Variants in KTN1 observed in about 807,000 individuals in gnomAD.
The protein encoded by KTN1 is kinectin 1, also known as kinectin.
In KTN1, 130 loss-of-function variants were observed where a neutral mutation model predicts 222.5. The ratio of observed to expected loss-of-function variants is 0.58; its 90% confidence interval spans 0.51 to 0.68. The LOEUF is 0.68. Ranked by LOEUF, KTN1 falls within the 30% of genes least tolerant of loss-of-function variation. The pLI is 0.00. For synonymous variants in KTN1, 512 were observed against 496.3 expected (o/e 1.03, Z -0.42); for missense variants, 1,508 against 1,500.4 (o/e 1.01, Z -0.08).
rs199516020 is a variant in KTN1, at chr14:55,612,164, C to A, written c.116C>A (p.Ala39Glu). The A allele has an allele frequency of 5.7e-6, 9 of 1,581,394 alleles. No individual in the cohort carries two copies. Among genetic ancestry groups the A allele is most frequent in the East Asian group, 4.5e-5 (2 of 44,402 alleles). Residue 39 changes from alanine to glutamate, a missense_variant, in exon 2 of 44, where the codon GCA becomes GAA. By Grantham distance (107) the Ala-to-Glu change is moderately radical. Transcript: ENST00000395314. ...GAAACATTATATGATGAAGTTCTTG[C>A]AAAACAGAAAAGAGAACAAAAGCTT... ...MKETLYDEVL[A>E]KQKREQKLIP... is the part of the protein sequence containing the mutation.
In KTN1 at chr14:55,628,003, A is replaced by G. The variant is rs147823515; in HGVS notation, c.1055A>G (p.Lys352Arg). ...AAVKEDAAATKDRCKQLTQEM... is the reference protein window; with the variant it reads ...AAVKEDAAATRDRCKQLTQEM... The stretch of plus-strand genomic sequence containing the variant: ...GTGAAGGAAGATGCTGCTGCTACAA[A>G]GGATCGGTGTAAGCAGTTAACCCAG... Residue 352 changes from lysine to arginine, a missense_variant, in exon 6 of 44, where the codon AAG becomes AGG. By Grantham distance (26) the Lys-to-Arg change is conservative (BLOSUM62 2). Transcript: ENST00000395314. 1.9e-6 allele frequency: 3 copies of G among 1,613,106 alleles called. No individual in the cohort carries two copies. The highest frequency in any genetic ancestry group is 1.7e-6 in the Non-Finnish European group (2 of 1,179,058).
Position 55,679,640 on chromosome 14 carries a change from G to C in KTN1, c.4024G>C (p.Val1342Leu), listed in dbSNP as rs781085019. ...ACAGTTACAGCAGTTGCTTCAGGCG[G>C]TAAACCAACAGCTCACAAAGGAGAA... The part of the protein sequence containing the change: ...VTQLQQLLQA[V>L]NQQLTKEKEH... The change falls in exon 43 of 44, where the codon GTA becomes CTA. Residue 1342 changes from valine (V) to leucine (L), a missense_variant. Coordinates refer to ENST00000395314, the MANE Select transcript of KTN1 (RefSeq NM_001079521.2). 6.2e-7 allele frequency: 1 copy of C among 1,613,798 alleles called. No homozygotes were observed. The highest frequency in any genetic ancestry group is 8.5e-7 in the Non-Finnish European group (1 of 1,179,730).
intron 33 of KTN1, among the ~76,000 whole-genome samples, chr14:55,664,569 C>G (rs1344913294): frequency 6.6e-6 from 1 of 152,064 alleles, no homozygotes; most frequent in Non-Finnish European, 1.5e-5. Flanking sequence ...GTATTACTGG[C>G]TAGCAATGAC....
chr14:55,655,805 TTTTG>T (rs2043407368), intron 28 of KTN1, among the ~76,000 whole-genome samples: 1 of 152,228 alleles, frequency 6.6e-6, no homozygotes, highest in Admixed American at 6.5e-5. Context: ...TGTTCTTAGT[TTTTG>T]TTTTAGAGTT....
rs544282613 is a variant in KTN1, at chr14:55,684,238, T to C, written c.*135T>C. Reference sequence around the variant, plus strand: ...ACAGAGTTTTGTCTTTTCTAATCCTTGTTAGACTACTGATTTAAAGAAGGA... The same window carrying C: ...ACAGAGTTTTGTCTTTTCTAATCCTCGTTAGACTACTGATTTAAAGAAGGA... On this transcript the variant is annotated 3_prime_UTR_variant, in exon 44 of 44. Transcript: ENST00000395314. 8 of 588,242 alleles carry C rather than the reference T, an allele frequency of 1.4e-5. No homozygotes were observed. Among genetic ancestry groups the C allele is most frequent in the African/African-American group, 5.8e-5 (3 of 52,014 alleles). The allele number at this position is 588,242 out of a possible 1,614,324, so 36.4% of individuals were successfully genotyped here.
chr14:55,646,300 C>T (rs1227506686), intron 18 of KTN1, among the ~76,000 whole-genome samples: 2 of 152,116 alleles, frequency 1.3e-5, no homozygotes, highest in East Asian at 3.8e-4. Flanking sequence ...CCAAAATTCA[C>T]TGAGCTGTGA....
In KTN1 at chr14:55,650,419, G is replaced by T. The variant is rs752569383; in HGVS notation, c.2496+1G>T. On this transcript the variant is annotated splice_donor_variant, in intron 23 of 43. Coordinates refer to ENST00000395314, the MANE Select transcript of KTN1 (RefSeq NM_001079521.2). LOFTEE classifies it high-confidence loss of function. ...TGCTAACAAGGAGAAAACTGTTCAG[G>T]TATTGGGAGACAGAGAACTGTGTTT... The T allele has an allele frequency of 1.2e-6, 2 of 1,602,232 alleles. No homozygotes were observed. Among genetic ancestry groups the T allele is most frequent in the Non-Finnish European group, 1.7e-6 (2 of 1,172,388 alleles).
chr14:55,658,219 C>A (rs1458644358), intron 29 of KTN1, among the ~76,000 whole-genome samples: 1 of 152,046 alleles, frequency 6.6e-6, no homozygotes, highest in Non-Finnish European at 1.5e-5. Context: ...TAGGATAAAA[C>A]CCCCACAACA....
chr14:55,675,385 G>A (rs1312454421), intron 40 of KTN1: 1 of 156,388 alleles, frequency 6.4e-6, no homozygotes. Context: ...TATTTTGGGA[G>A]TTTTAATTTG....
chr14:55,673,776 T>C (rs2045655553), intron 40 of KTN1: 1 of 152,152 alleles, frequency 6.6e-6, no homozygotes, highest in Non-Finnish European at 1.5e-5. Flanking sequence ...TATCAACATA[T>C]TATTTAGAGT....
intron 32 of KTN1, 131 bp from the exon 33 acceptor site, chr14:55,663,824 T>C (rs2044407005): frequency 1.7e-6 from 1 of 599,414 alleles, no homozygotes; most frequent in Non-Finnish European, 3.0e-6. Flanking sequence ...TTTGCTAATA[T>C]GCATATTTTC....
chr14:55,667,819 T>G (rs1364655502), intron 34 of KTN1: 2 of 152,046 alleles, frequency 1.3e-5, no homozygotes, highest in African/African-American at 4.8e-5. Context: ...GTACATGTTC[T>G]CCTTTGTTCA....
At chr14:55,589,337 C>T (rs1435778796) in intron 1 of KTN1, among the ~76,000 whole-genome samples, 1 of 152,146 alleles carries the variant, frequency 6.6e-6, no homozygotes, top group Non-Finnish European at 1.5e-5. Flanking sequence ...CTCGCTCTGT[C>T]ACCCAGGCTG....
At chr14:55,633,382 G>A in intron 8 of KTN1, 41 bp downstream of exon 8, 1 of 1,168,244 alleles carries the variant, frequency 8.6e-7, no homozygotes, top group Non-Finnish European at 1.2e-6. Context: ...GAATGGCAGA[G>A]TATTTTCTTG....
chr14:55,634,590 A>C lies in KTN1; in HGVS notation c.1393A>C (p.Lys465Gln). ...YARLVNELTE[K>Q]TGKLQQEEVQ... is the part of the protein sequence containing the mutation. ...TAGGTTGGTGAATGAGCTGACTGAG[A>C]AAACAGGAAAGCTACAGCAAGAGGA... The change falls in exon 9 of 44, where the codon AAA becomes CAA. Residue 465 changes from lysine (K) to glutamine (Q), a missense_variant. Physicochemically the swap from Lys to Gln is moderately conservative, Grantham distance 53. Transcript: ENST00000395314. 1 of 1,613,976 alleles carries C rather than the reference A, an allele frequency of 6.2e-7. No individual in the cohort carries two copies. Among genetic ancestry groups the C allele is most frequent in the Non-Finnish European group, 8.5e-7 (1 of 1,179,900 alleles).
chr14:55,594,190 CCTAT>C (rs2034639199), intron 1 of KTN1, among the ~76,000 whole-genome samples: 1 of 151,596 alleles, frequency 6.6e-6, no homozygotes, highest in Non-Finnish European at 1.5e-5. Context: ...TTCATTTCTA[CCTAT>C]CTTAGGCTTA....
At chr14:55,600,162 A>G (rs1043700755) in intron 1 of KTN1, among the ~76,000 whole-genome samples, 1 of 150,746 alleles carries the variant, frequency 6.6e-6, no homozygotes, top group African/African-American at 2.4e-5. Context: ...CATAATACCT[A>G]AAACATCTGA....
intron 12 of KTN1, among the ~76,000 whole-genome samples, chr14:55,638,741 A>T (rs2147116): frequency 0.042 from 6,443 of 151,890 alleles, 357 homozygotes; most frequent in Admixed American, 0.13. Flanking sequence ...AAAATTTATC[A>T]GGAGTTAAAT....
chr14:55,599,914 G>A (rs1473584445), intron 1 of KTN1, among the ~76,000 whole-genome samples: 8 of 151,908 alleles, frequency 5.3e-5, no homozygotes, highest in African/African-American at 1.9e-4. Flanking sequence ...TTTTAACTTA[G>A]TGATTTGAAA....
Sources: allele counts gnomAD v4.1 joint callset (sites outside exome capture counted in the v4.1 genomes callset), GRCh38; gene constraint gnomAD v4.1.1; transcripts MANE v1.5; gene names NCBI Gene and HGNC (gene_info 2026-07-23, HGNC 2026-07-21).